PUS7L: variants seen among roughly 807,000 people sequenced by gnomAD.
PUS7L encodes pseudouridine synthase 7 like.
A neutral mutation model predicts 51.1 loss-of-function variants in PUS7L; 49 were observed. The observed-to-expected ratio is 0.96, with a 90% CI of 0.76 to 1.22. The LOEUF (loss-of-function observed/expected upper bound fraction) is 1.22, where lower values mean the gene tolerates loss of function less well. PUS7L is among the 50% of genes most tolerant of loss of function. PUS7L has a pLI of 0.00. For missense variants in PUS7L, 828 were observed against 820.6 expected, an observed-to-expected ratio of 1.01 and a Z score of -0.11; for synonymous variants, 277 against 276.2, an observed-to-expected ratio of 1.00 and a Z score of -0.03.
At chr12:43,739,096 A>C (rs2137691470) in intron 5 of PUS7L, 1 of 153,296 alleles carries the variant, frequency 6.5e-6, no homozygotes, top group Non-Finnish European at 1.5e-5. Flanking sequence ...TATGGACACA[A>C]GAAATGCAAG....
chr12:43,747,081 G>C (rs1458410303), intron 3 of PUS7L, among the ~76,000 whole-genome samples: 1 of 152,082 alleles, frequency 6.6e-6, no homozygotes, highest in African/African-American at 2.4e-5. Context: ...GCACATAGTG[G>C]ATACTTAAAC....
chr12:43,724,518 T>C lies in PUS7L; in HGVS notation c.*5858A>G, dbSNP rs532227086. 1 of 152,226 alleles carries C rather than the reference T, an allele frequency of 6.6e-6. No individual in the cohort carries two copies. Among genetic ancestry groups the C allele is most frequent in the South Asian group, 2.1e-4 (1 of 4,820 alleles). The allele number at this position is 152,226 out of a possible 1,614,324, so 9.4% of individuals were successfully genotyped here. On this transcript the variant is annotated 3_prime_UTR_variant, in exon 9 of 9. Transcript: ENST00000344862. ...TCATAAGACTTGCTAAAATCAACTA[T>C]CAGTAAAATTTTAAGATATAGCATG...
intron 2 of PUS7L, among the ~76,000 whole-genome samples, chr12:43,752,787 A>C (rs1190911485): frequency 6.6e-6 from 1 of 152,184 alleles, no homozygotes; most frequent in Non-Finnish European, 1.5e-5. Flanking sequence ...ATGGTGAAAA[A>C]ATTCTGGAGA....
At position 43,755,091 on chromosome 12, in the gene PUS7L, T is replaced by C; in HGVS notation, c.155A>G (p.Glu52Gly). ...QGQLVNKTID[E>G]PIFKISEIQL... is the part of the protein sequence containing the mutation. ...TATTTCACTAATCTTGAAAATAGGC[T>C]CATCGATGGTCTTATTAACTAACTG... Residue 52 changes from glutamate (E) to glycine (G), a missense_variant, in exon 2 of 9, where the codon GAG (glutamate) becomes GGG (glycine). Transcript: ENST00000344862. 2 of 1,613,754 alleles carry C rather than the reference T, an allele frequency of 1.2e-6. No homozygotes were observed. The highest frequency in any genetic ancestry group is 1.7e-6 in the Non-Finnish European group (2 of 1,179,814).
intron 7 of PUS7L, among the ~76,000 whole-genome samples, chr12:43,732,729 T>A (rs1944587405): frequency 6.6e-6 from 1 of 152,218 alleles, no homozygotes; most frequent in South Asian, 2.1e-4. Context: ...CCTCTAAATC[T>A]ACCTGATTTC....
At chr12:43,748,987 G>T (rs1938311415) in intron 2 of PUS7L, among the ~76,000 whole-genome samples, 1 of 152,182 alleles carries the variant, frequency 6.6e-6, no homozygotes, top group South Asian at 2.1e-4. Flanking sequence ...CTCCCAAAGT[G>T]CTGGGATTAC....
intron 7 of PUS7L, among the ~76,000 whole-genome samples, chr12:43,732,117 C>G (rs1214449322): frequency 1.3e-5 from 2 of 151,742 alleles, no homozygotes. Context: ...ACTACCCACC[C>G]CCACTAATCT....
At chr12:43,743,693 G>C (rs1052137960) in intron 4 of PUS7L, among the ~76,000 whole-genome samples, 4 of 152,114 alleles carry the variant, frequency 2.6e-5, no homozygotes, top group African/African-American at 7.2e-5. Context: ...AACCCGGGAG[G>C]GGGTGCTTGC....
chr12:43,758,589 C>T (rs910616321), intron 1 of PUS7L, 141 bp downstream of exon 1: 3 of 983,654 alleles, frequency 3.0e-6, no homozygotes, highest in Non-Finnish European at 3.6e-6. Flanking sequence ...TCCAAAGGCA[C>T]GACACTAGTC....
rs1944457535 is a variant in PUS7L, at chr12:43,726,557, G to C, written c.*3819C>G. 6.6e-6 allele frequency: 1 copy of C among 152,280 alleles called. No individual in the cohort carries two copies. The highest frequency in any genetic ancestry group is 2.4e-5 in the African/African-American group (1 of 41,440). 9.4% of individuals were successfully genotyped at this position (152,280 alleles called of 1,614,324 possible). On this transcript the variant is annotated 3_prime_UTR_variant, in exon 9 of 9. Transcript: ENST00000344862. ...AATTGACAAGTGAAGGCTGGGCATG[G>C]TGGCTCATGCCTGTAATCCTAGCAC...
intron 2 of PUS7L, 108 bp from the exon 3 acceptor site, chr12:43,748,717 T>G (rs1784749753): frequency 1.1e-6 from 1 of 929,764 alleles, no homozygotes; most frequent in Admixed American, 3.3e-5. Flanking sequence ...TCTAAGGAGT[T>G]TTGTTGTTGT....
rs200227347 is a variant in PUS7L, at chr12:43,730,529, G to C, written c.1953C>G (p.Leu651=). The change falls in exon 9 of 9, where the codon CTC becomes CTG. Residue 651 remains leucine, a synonymous_variant. Coordinates refer to ENST00000344862, the MANE Select transcript of PUS7L (RefSeq NM_031292.5). ...CATGATCTTCCATTAGTTGGTATGA[G>C]AGATTACAGGGATGTTTCAAAATCT... ...YRQILKHPCN[L]SYQLMEDHDI... 68 of 1,613,752 alleles carry C rather than the reference G, an allele frequency of 4.2e-5. No homozygotes were observed. The highest frequency in any genetic ancestry group is 4.2e-6 in the Non-Finnish European group (5 of 1,179,848).
Position 43,754,345 on chromosome 12 carries a change from T to A in PUS7L, c.901A>T (p.Ile301Leu). 6.3e-7 allele frequency: 1 copy of A among 1,586,850 alleles called. No individual in the cohort carries two copies. Among genetic ancestry groups the A allele is most frequent in the East Asian group, 2.2e-5 (1 of 44,692 alleles). The change falls in exon 2 of 9, where the codon ATA (isoleucine) becomes TTA (leucine). Residue 301 changes from isoleucine to leucine, a missense_variant. Coordinates refer to ENST00000344862, the MANE Select transcript of PUS7L (RefSeq NM_031292.5). ...TGATTTATTAAATTACCTGTATATA[T>A]AACTTTTCCTTCTTGGCATTCAGAA... The part of the protein sequence containing the change: ...PLSECQEGKV[I>L]YTAFTLRKEN...
At chr12:43,751,461 C>T (rs1938441115) in intron 2 of PUS7L, among the ~76,000 whole-genome samples, 1 of 150,260 alleles carries the variant, frequency 6.7e-6, no homozygotes. Context: ...GGTTTTTTGT[C>T]CTTGCGATAG....
At chr12:43,752,524 T>A (rs2137753588) in intron 2 of PUS7L, among the ~76,000 whole-genome samples, 1 of 152,314 alleles carries the variant, frequency 6.6e-6, no homozygotes, top group African/African-American at 2.4e-5. Flanking sequence ...AAATGTGGCA[T>A]ACACCTACCA....
chr12:43,738,774 C>CA (rs1273465027), intron 5 of PUS7L: 6 of 248,952 alleles, frequency 2.4e-5, no homozygotes, highest in South Asian at 6.4e-5. Flanking sequence ...TTTCCAAAAG[C>CA]AAAAAAATTA....
rs146723197 is a variant in PUS7L, at chr12:43,725,853, G to C, written c.*4523C>G. 68 of 152,124 alleles carry C rather than the reference G, an allele frequency of 4.5e-4. No individual in the cohort carries two copies. The highest frequency in any genetic ancestry group is 1.6e-3 in the African/African-American group (66 of 41,462). 9.4% of individuals were successfully genotyped at this position (152,124 alleles called of 1,614,324 possible). ...GTATGTTTCCAATCTGCAAATAAGGGAAGATAATACCTCCACACAGGGTGG... is the reference window on the plus strand; with the variant it reads ...GTATGTTTCCAATCTGCAAATAAGGCAAGATAATACCTCCACACAGGGTGG... On this transcript the variant is annotated 3_prime_UTR_variant, in exon 9 of 9. Transcript: ENST00000344862.
At chr12:43,748,303 T>G (rs1034020555) in intron 3 of PUS7L, 147 bp downstream of exon 3, 59 of 504,616 alleles carry the variant, frequency 1.2e-4, no homozygotes, top group Non-Finnish European at 4.1e-5. Context: ...CATAATATAA[T>G]TAATTAGGAA....
chr12:43,751,512 A>G (rs935966679), intron 2 of PUS7L, among the ~76,000 whole-genome samples: 1 of 151,980 alleles, frequency 6.6e-6, no homozygotes, highest in Admixed American at 6.6e-5. Flanking sequence ...CCACGTCCCT[A>G]CAAAGGACAT....
Sources: gnomAD v4.1 joint callset for allele counts (sites outside exome capture counted in the v4.1 genomes callset) on GRCh38, gnomAD v4.1.1 for gene constraint, MANE v1.5 for transcripts, NCBI Gene and HGNC (gene_info 2026-07-23, HGNC 2026-07-21) for gene names.